CYREN: variants seen among roughly 807,000 people sequenced by gnomAD.
CYREN encodes the protein cell cycle regulator of non-homologous end joining.
CYREN carries 7 observed loss-of-function variants against 9.7 expected under a neutral mutation model. The observed-to-expected ratio is 0.72, with a 90% confidence interval of 0.41 to 1.36. CYREN has a LOEUF of 1.36. CYREN is among the 40% of genes most tolerant of loss of function. The pLI is 0.01. For missense variants in CYREN, 215 were observed against 198.1 expected, an observed-to-expected ratio of 1.09 and a Z score of -0.51; for synonymous variants, 76 against 77.9, an observed-to-expected ratio of 0.98 and a Z score of 0.13.
chr7:135,166,261 C>A lies in CYREN; in HGVS notation c.*350G>T. The A allele has an allele frequency of 4.7e-6, 1 of 213,546 alleles. No individual in the cohort carries two copies. The highest frequency in any genetic ancestry group is 9.2e-6 in the Non-Finnish European group (1 of 108,332). The allele number at this position is 213,546 out of a possible 1,614,324, so 13.2% of individuals were successfully genotyped here. A position where few individuals can be genotyped will look rare whatever the true frequency, so the allele number is the denominator to read the frequency against. ...TTGCAAAGTACTGTCTCTTTGGTTC[C>A]AGTAAGTTGGACCACCACATGACAT... On this transcript the variant is annotated 3_prime_UTR_variant, in exon 4 of 4. Coordinates refer to ENST00000393114, the MANE Select transcript of CYREN (RefSeq NM_024033.4).
At chr7:135,134,881 A>G (rs761245376) in intron 2 of CYREN, 4 of 1,550,776 alleles carry the variant, frequency 2.6e-6, no homozygotes, top group Middle Eastern at 1.7e-4. Context: ...GAAATACAGC[A>G]CATCTTGGAC....
Position 135,168,825 on chromosome 7 carries a change from T to C in CYREN, c.98A>G (p.Lys33Arg), listed in dbSNP as rs746049011. 1.2e-6 allele frequency: 2 copies of C among 1,614,136 alleles called. No homozygotes were observed. The highest frequency in any genetic ancestry group is 1.7e-5 in the Admixed American group (1 of 60,024). Reference protein sequence around the residue: ...TKNVAPMKAPKRMRMAAVPVA... With the variant: ...TKNVAPMKAPRRMRMAAVPVA... ...TGGCACTGCTGCCATTCTCATCCTC[T>C]TGGGGGCCTTCATTGGTGCCACATT... Residue 33 changes from lysine (K) to arginine (R), a missense_variant, in exon 2 of 4, where the codon AAG (lysine) becomes AGG (arginine). Transcript: ENST00000393114.
Position 135,115,481 on chromosome 7 carries a change from G to A in CYREN, n.357-20899C>T, listed in dbSNP as rs117898624. On this transcript the variant is annotated intron_variant and non_coding_transcript_variant, in intron 2 of 2. Coordinates refer to the CYREN transcript ENST00000459937. ...AGATGATGAAAAAAGAAGCTACAAGGATAAAGGAATAGTTCAAACTCAAGA... is the reference window on the plus strand; with the variant it reads ...AGATGATGAAAAAAGAAGCTACAAGAATAAAGGAATAGTTCAAACTCAAGA... The A allele has an allele frequency of 1.1e-5, 17 of 1,551,284 alleles. No individual in the cohort carries two copies. The highest frequency in any genetic ancestry group is 1.5e-5 in the Non-Finnish European group (17 of 1,146,728).
chr7:135,166,873 T>C lies in CYREN; in HGVS notation c.214-2A>G. The C allele has an allele frequency of 6.2e-7, 1 of 1,611,420 alleles. No homozygotes were observed. Among genetic ancestry groups the C allele is most frequent in the Non-Finnish European group, 8.5e-7 (1 of 1,177,890 alleles). On this transcript the variant is annotated splice_acceptor_variant, in intron 3 of 3. Coordinates refer to ENST00000393114, the MANE Select transcript of CYREN (RefSeq NM_024033.4). LOFTEE classifies it high-confidence loss of function. ...GCAGGCCTTTTCCTGTTTGCGGCTC[T>C]GTGGAGTACGGGAAAACGCAGGCTC...
rs866765729 is a variant in CYREN at position 135,139,975 on chromosome 7, T to A, written n.356+28774A>T. ...GTTTTGGTTACATAGCCTTGTAGTA[T>A]AGTTTGAAGTCAAGCAGTGTGATGC... On this transcript the variant is annotated intron_variant and non_coding_transcript_variant, in intron 2 of 2. Transcript: ENST00000459937. Among the ~76,000 whole-genome samples the A allele has an allele frequency of 1.1e-4, 16 of 152,254 alleles. No homozygotes were observed. The South Asian group carries it at 3.3e-3, about 32-fold the overall frequency.
exon 3 of CYREN, chr7:135,094,041 C>T (rs1471206641): frequency 5.3e-6 from 1 of 186,928 alleles, no homozygotes; most frequent in Non-Finnish European, 1.1e-5. Flanking sequence ...AACTGGATAT[C>T]CACATGCAAA....
At chr7:135,144,433 G>T (rs1212349977) in intron 2 of CYREN, among the ~76,000 whole-genome samples, 1 of 152,104 alleles carries the variant, frequency 6.6e-6, no homozygotes, top group Non-Finnish European at 1.5e-5. Flanking sequence ...GTGTGGGGAA[G>T]TTCAAGGTTA....
chr7:135,096,565 AT>A lies in CYREN; in HGVS notation n.357-1984del, dbSNP rs1331236114. ...AAAAGAAAGAAAGAAAGAAAGATAG[AT>A]AGATAGATAGATAGATACATAGATA... On this transcript the variant is annotated intron_variant and non_coding_transcript_variant, in intron 2 of 2. Coordinates refer to the CYREN transcript ENST00000459937. Among the ~76,000 whole-genome samples the A allele has an allele frequency of 7.4e-3, 236 of 31,694 alleles. 7 individuals are homozygous for A. Among genetic ancestry groups the A allele is most frequent in the South Asian group, 0.031 (13 of 418 alleles). 20.8% of individuals were successfully genotyped at this position (31,694 alleles called of 152,430 possible).
chr7:135,112,187 T>C lies in CYREN; in HGVS notation n.357-17605A>G, dbSNP rs567071303. ...AATTCAGACCCTCATTTTGCCTCCCTTGAATAACTGCATTAGCCTCCTAAT... is the reference window on the plus strand; with the variant it reads ...AATTCAGACCCTCATTTTGCCTCCCCTGAATAACTGCATTAGCCTCCTAAT... On this transcript the variant is annotated intron_variant and non_coding_transcript_variant, in intron 2 of 2. Transcript: ENST00000459937. Among the ~76,000 whole-genome samples, 10 of 152,344 alleles carry C rather than the reference T, an allele frequency of 6.6e-5. No homozygotes were observed. The South Asian group carries it at 2.1e-3, about 32-fold the overall frequency.
At chr7:135,172,413 C>G (rs933265568), upstream of CYREN, among the ~76,000 whole-genome samples, 1 of 142,630 alleles carries the variant, frequency 7.0e-6, no homozygotes, top group Non-Finnish European at 1.5e-5. Flanking sequence ...TGTGTGTGCC[C>G]TCTTTACCTG....
chr7:135,139,973 T>C (rs1184685917), intron 2 of CYREN, among the ~76,000 whole-genome samples: 2 of 152,116 alleles, frequency 1.3e-5, no homozygotes, highest in East Asian at 1.9e-4. Flanking sequence ...AGCCTTGTAG[T>C]ATAGTTTGAA....
chr7:135,118,421 A>G (rs1826629222), intron 2 of CYREN, among the ~76,000 whole-genome samples: 1 of 152,188 alleles, frequency 6.6e-6, no homozygotes, highest in South Asian at 2.1e-4. Context: ...CATCTGTCCA[A>G]TAATAATTAG....
chr7:135,134,920 C>T, intron 2 of CYREN: 2 of 1,550,958 alleles, frequency 1.3e-6, no homozygotes, highest in Non-Finnish European at 1.7e-6. Context: ...TTTTGTAATC[C>T]AAGGGGATGT....
intron 2 of CYREN, among the ~76,000 whole-genome samples, chr7:135,152,258 T>C (rs181315227): frequency 5.3e-5 from 8 of 152,348 alleles, no homozygotes; most frequent in African/African-American, 1.9e-4. Flanking sequence ...TCAAGGTCCA[T>C]GCTCAGAACC....
At chr7:135,116,872 T>A (rs1826394519) in intron 2 of CYREN, among the ~76,000 whole-genome samples, 1 of 152,138 alleles carries the variant, frequency 6.6e-6, no homozygotes, top group African/African-American at 2.4e-5. Flanking sequence ...TACAGGCTAT[T>A]GTTGAGAGCT....
downstream of CYREN, among the ~76,000 whole-genome samples, chr7:135,163,767 A>G (rs1260129550): frequency 1.3e-5 from 2 of 152,246 alleles, no homozygotes; most frequent in African/African-American, 4.8e-5. Flanking sequence ...ACCAGGTGAC[A>G]TCTTGTCTTG....
At chr7:135,139,622 A>T (rs1829416670) in intron 2 of CYREN, among the ~76,000 whole-genome samples, 1 of 151,658 alleles carries the variant, frequency 6.6e-6, no homozygotes, top group Non-Finnish European at 1.5e-5. Flanking sequence ...TTGCTTTTGT[A>T]GTCTTTAACG....
At chr7:135,152,038 A>G (rs1234421284) in intron 2 of CYREN, among the ~76,000 whole-genome samples, 4 of 152,210 alleles carry the variant, frequency 2.6e-5, no homozygotes, top group Non-Finnish European at 4.4e-5. Flanking sequence ...TTTTCTCTCT[A>G]TCGTAGTAAT....
At chr7:135,146,796 G>C (rs2117410129) in intron 2 of CYREN, among the ~76,000 whole-genome samples, 1 of 152,326 alleles carries the variant, frequency 6.6e-6, no homozygotes, top group East Asian at 1.9e-4. Flanking sequence ...GAGCACAGGT[G>C]AAAGTGCTTG....
Sources: gnomAD v4.1 joint callset for allele counts (sites outside exome capture counted in the v4.1 genomes callset) on GRCh38, gnomAD v4.1.1 for gene constraint, MANE v1.5 for transcripts, NCBI Gene and HGNC (gene_info 2026-07-23, HGNC 2026-07-21) for gene names.